Variants in MINDY2 observed in about 807,000 individuals in gnomAD.
MINDY2 encodes ubiquitin carboxyl-terminal hydrolase MINDY-2.
MINDY2 carries 52 observed loss-of-function variants against 68.2 expected under a neutral mutation model. The ratio of observed to expected loss-of-function variants is 0.76; its 90% CI spans 0.61 to 0.96. The LOEUF (loss-of-function observed/expected upper bound fraction) is 0.96. MINDY2 is among the 40% of genes least tolerant of loss of function. The pLI is 0.00. For missense variants in MINDY2, 881 were observed against 773.4 expected, an observed-to-expected ratio of 1.14 and a Z score of -1.65; for synonymous variants, 372 against 303.0, an observed-to-expected ratio of 1.23 and a Z score of -2.36.
intron 5 of MINDY2, among the ~76,000 whole-genome samples, chr15:58,831,015 T>TTGTGTGTGTGTG (rs369645565): frequency 1.5e-5 from 2 of 133,802 alleles, no homozygotes; most frequent in African/African-American, 6.1e-5. Flanking sequence ...TGAAGATCAG[T>TTGTGTGTGTGTG]TGTGTGTGTG....
At chr15:58,818,341 C>T (rs2030836494) in intron 4 of MINDY2, among the ~76,000 whole-genome samples, 1 of 152,144 alleles carries the variant, frequency 6.6e-6, no homozygotes, top group African/African-American at 2.4e-5. Flanking sequence ...TCACTGCAAC[C>T]TGGTACTTCT....
At chr15:58,844,130 A>G (rs1469932015) in intron 6 of MINDY2, among the ~76,000 whole-genome samples, 1 of 152,216 alleles carries the variant, frequency 6.6e-6, no homozygotes, top group Admixed American at 6.5e-5. Context: ...TATCAGTGCA[A>G]GAAATATTCT....
At chr15:58,822,937 A>G (rs902558367) in intron 5 of MINDY2, among the ~76,000 whole-genome samples, 8 of 152,334 alleles carry the variant, frequency 5.3e-5, no homozygotes, top group South Asian at 4.1e-4. Flanking sequence ...TACAATTATC[A>G]CATTTTTAAG....
rs183945899 is a variant in MINDY2 at position 58,795,316 on chromosome 15, T to A, written c.899-6997T>A. Among the ~76,000 whole-genome samples the A allele has an allele frequency of 2.6e-5, 4 of 152,350 alleles. No homozygotes were observed. In the East Asian group the frequency reaches 7.7e-4, roughly 29 times the overall value. On this transcript the variant is annotated intron_variant, in intron 2 of 8. Coordinates refer to ENST00000559228, the MANE Select transcript of MINDY2 (RefSeq NM_001040450.3). ...AGTGTTTCAACTTTCTTTTCGTTAT[T>A]GCCATTCTGAGGGGCCTTTATAGAC... is the stretch of plus-strand genomic sequence containing the variant.
At chr15:58,836,415 G>A (rs1175286148) in intron 6 of MINDY2, among the ~76,000 whole-genome samples, 1 of 152,008 alleles carries the variant, frequency 6.6e-6, no homozygotes, top group Non-Finnish European at 1.5e-5. Context: ...ACCATGCATT[G>A]CATTTGATAG....
intron 2 of MINDY2, among the ~76,000 whole-genome samples, chr15:58,798,206 T>G (rs1902406692): frequency 6.6e-6 from 1 of 152,134 alleles, no homozygotes; most frequent in Non-Finnish European, 1.5e-5. Flanking sequence ...AACCTCCGCT[T>G]CCAAAGCTCA....
At position 58,854,668 on chromosome 15, in the gene MINDY2, G is replaced by A. The variant is rs1567081031; in HGVS notation, c.*58G>A. The A allele has an allele frequency of 1.4e-5, 21 of 1,544,662 alleles. No individual in the cohort carries two copies. The East Asian group carries it at 4.5e-4, about 33-fold the overall frequency. On this transcript the variant is annotated 3_prime_UTR_variant, in exon 9 of 9. Coordinates refer to ENST00000559228, the MANE Select transcript of MINDY2 (RefSeq NM_001040450.3). ...GTCTTGAGAAACAAAACCACAGGAGGAAAGGAAGAAAAACCGATCAATACC... is the reference window on the plus strand; with the variant it reads ...GTCTTGAGAAACAAAACCACAGGAGAAAAGGAAGAAAAACCGATCAATACC...
At chr15:58,783,118 A>T (rs1901267886) in intron 1 of MINDY2, among the ~76,000 whole-genome samples, 1 of 151,460 alleles carries the variant, frequency 6.6e-6, no homozygotes. Context: ...ACGGGATTTC[A>T]CCATGTTAGC....
rs1567050423 is a variant in MINDY2, at chr15:58,802,357, C to A, written c.943C>A (p.Gln315Lys). ...AAAGCCAAAAGAAATTTCAGAAATT[C>A]AACGTTTAAATTATGAACAGGTAAT... is the stretch of plus-strand genomic sequence containing the variant. ...DAKPKEISEI[Q>K]RLNYEQNMSD... Residue 315 changes from glutamine (Q) to lysine (K), a missense_variant, in exon 3 of 9, where the codon CAA becomes AAA. By Grantham distance (53) the Gln-to-Lys change is moderately conservative. Transcript: ENST00000559228. 3.8e-6 allele frequency: 6 copies of A among 1,579,418 alleles called. No individual in the cohort carries two copies. Among genetic ancestry groups the A allele is most frequent in the Non-Finnish European group, 5.2e-6 (6 of 1,162,990 alleles).
In MINDY2 at chr15:58,856,010, T is replaced by C. The variant is rs1479949828; in HGVS notation, c.*1400T>C. On this transcript the variant is annotated 3_prime_UTR_variant, in exon 9 of 9. Transcript: ENST00000559228. Reference sequence around the variant, plus strand: ...GGAACCAAATAAAACTATAACCTCATAGTGTTTATAAGAACTCAGAAATAA... The same window carrying C: ...GGAACCAAATAAAACTATAACCTCACAGTGTTTATAAGAACTCAGAAATAA... 6.6e-6 allele frequency: 1 copy of C among 152,646 alleles called. No homozygotes were observed. The highest frequency in any genetic ancestry group is 2.4e-5 in the African/African-American group (1 of 41,460). 9.5% of individuals were successfully genotyped at this position (152,646 alleles called of 1,614,324 possible). A position where few individuals can be genotyped will look rare whatever the true frequency, so the allele number is the denominator to read the frequency against.
At chr15:58,787,399 C>T (rs1359812466) in intron 1 of MINDY2, among the ~76,000 whole-genome samples, 1 of 151,768 alleles carries the variant, frequency 6.6e-6, no homozygotes, top group Admixed American at 6.6e-5. Flanking sequence ...ATAGCAAAAC[C>T]GCAATTAGTT....
chr15:58,785,836 C>T (rs556100707), intron 1 of MINDY2, among the ~76,000 whole-genome samples: 123 of 152,206 alleles, frequency 8.1e-4, no homozygotes, highest in Middle Eastern at 3.4e-3. Context: ...GCCACCACAC[C>T]TGGCTAATTT....
intron 4 of MINDY2, chr15:58,815,709 G>T (rs2030637925): frequency 6.6e-6 from 1 of 151,274 alleles, no homozygotes; most frequent in Non-Finnish European, 1.5e-5. Context: ...TTTGGACAGA[G>T]TCTCACTCTG....
chr15:58,834,984 T>C (rs1165094294), intron 6 of MINDY2, among the ~76,000 whole-genome samples: 2 of 152,232 alleles, frequency 1.3e-5, no homozygotes, highest in East Asian at 1.9e-4. Flanking sequence ...ATCAGATTTA[T>C]TGATACATGG....
At chr15:58,783,086 ATTGT>A (rs1290713350) in intron 1 of MINDY2, among the ~76,000 whole-genome samples, 1 of 151,246 alleles carries the variant, frequency 6.6e-6, no homozygotes, top group Non-Finnish European at 1.5e-5. Context: ...CGCCTGGCTA[ATTGT>A]TTGTATTTTT....
intron 2 of MINDY2, among the ~76,000 whole-genome samples, chr15:58,789,861 T>G (rs1290253605): frequency 6.6e-6 from 1 of 151,982 alleles, no homozygotes; most frequent in Non-Finnish European, 1.5e-5. Context: ...TGGTCAGGCT[T>G]GTCTTGAACT....
chr15:58,789,261 C>A (rs916977535), intron 2 of MINDY2, among the ~76,000 whole-genome samples: 5 of 151,622 alleles, frequency 3.3e-5, no homozygotes, highest in Non-Finnish European at 5.9e-5. Flanking sequence ...TGGTGTGAAC[C>A]CAGGAGGCAT....
At chr15:58,853,727 A>C (rs2032942240) in intron 8 of MINDY2, among the ~76,000 whole-genome samples, 1 of 150,620 alleles carries the variant, frequency 6.6e-6, no homozygotes, top group South Asian at 2.1e-4. Flanking sequence ...GACTTGAGGC[A>C]GGAGAATCGC....
At chr15:58,777,184 G>A (rs866237880) in intron 1 of MINDY2, among the ~76,000 whole-genome samples, 1 of 152,170 alleles carries the variant, frequency 6.6e-6, no homozygotes, top group Non-Finnish European at 1.5e-5. Flanking sequence ...GTTCGCTTAT[G>A]TCCGGAAATA....
Sources: gnomAD v4.1 joint callset for allele counts (sites outside exome capture counted in the v4.1 genomes callset) on GRCh38, gnomAD v4.1.1 for gene constraint, MANE v1.5 for transcripts, NCBI Gene and HGNC (gene_info 2026-07-23, HGNC 2026-07-21) for gene names.